Variants in SUMF1 observed in about 807,000 individuals in gnomAD.
SUMF1 encodes formylglycine-generating enzyme.
Under a neutral mutation model 47.6 loss-of-function variants are expected in SUMF1, and 48 were observed. The observed-to-expected ratio is 1.01, with a 90% CI of 0.80 to 1.28. The LOEUF is 1.28. SUMF1 is among the 50% of genes most tolerant of loss of function. The pLI, the probability that SUMF1 is intolerant of heterozygous loss-of-function variation, is 0.00. For synonymous variants in SUMF1, 230 were observed against 192.1 expected (o/e 1.20, Z -1.63); for missense variants, 571 against 485.4 (o/e 1.18, Z -1.66).
At chr3:4,303,814 A>G (rs1279247840) in intron 8 of SUMF1, 1 of 1,381,762 alleles carries the variant, frequency 7.2e-7, no homozygotes, top group Non-Finnish European at 9.6e-7. Flanking sequence ...TCAGAACTCA[A>G]GGAGGCATCA....
chr3:4,404,501 T>C (rs1384915298), intron 7 of SUMF1, among the ~76,000 whole-genome samples: 1 of 152,208 alleles, frequency 6.6e-6, no homozygotes, highest in Non-Finnish European at 1.5e-5. Flanking sequence ...CTCATGCCTG[T>C]AATCCTAGTA....
At chr3:4,424,450 C>T (rs961587911) in intron 3 of SUMF1, among the ~76,000 whole-genome samples, 2 of 152,112 alleles carry the variant, frequency 1.3e-5, no homozygotes, top group Non-Finnish European at 2.9e-5. Flanking sequence ...CACACTGTGG[C>T]CAAAGCATGA....
At chr3:4,276,344 T>C (rs1162992681) in intron 8 of SUMF1, among the ~76,000 whole-genome samples, 1 of 152,156 alleles carries the variant, frequency 6.6e-6, no homozygotes, top group Non-Finnish European at 1.5e-5. Flanking sequence ...GTTTAACTGA[T>C]TTCTCAAAAT....
At chr3:4,085,912 CA>C (rs551418193) in intron 8 of SUMF1, among the ~76,000 whole-genome samples, 4 of 150,298 alleles carry the variant, frequency 2.7e-5, no homozygotes, top group East Asian at 2.0e-4. Flanking sequence ...TTCTGCCTCT[CA>C]AAAAAAAAGA....
chr3:4,446,119 C>A lies in SUMF1; in HGVS notation c.519+3147G>T, dbSNP rs146910546. Among the ~76,000 whole-genome samples the A allele has an allele frequency of 1.4e-3, 211 of 152,238 alleles. 1 individual carries two copies. The highest frequency in any genetic ancestry group is 4.9e-3 in the African/African-American group (202 of 41,542). Reference sequence around the variant, plus strand: ...GAACTATCTCTTTATGAAAGTATCTCCATTAATAAATGAAAAAGATTAGAT... The same window carrying A: ...GAACTATCTCTTTATGAAAGTATCTACATTAATAAATGAAAAAGATTAGAT... On this transcript the variant is annotated intron_variant, in intron 3 of 8. Transcript: ENST00000272902.
chr3:4,116,269 A>C (rs1256774972), intron 8 of SUMF1, among the ~76,000 whole-genome samples: 1 of 152,108 alleles, frequency 6.6e-6, no homozygotes, highest in Non-Finnish European at 1.5e-5. Context: ...TTCACTACCC[A>C]ACATCAAGGG....
intron 8 of SUMF1, among the ~76,000 whole-genome samples, chr3:4,131,063 A>C (rs1693776923): frequency 6.6e-6 from 1 of 152,106 alleles, no homozygotes; most frequent in South Asian, 2.1e-4. Context: ...CTTTTGAGAG[A>C]CAGCTCTTGG....
At chr3:4,151,343 T>A (rs1384296702) in intron 8 of SUMF1, among the ~76,000 whole-genome samples, 1 of 147,686 alleles carries the variant, frequency 6.8e-6, no homozygotes, top group Non-Finnish European at 1.5e-5. Context: ...AAGAAAAACA[T>A]AAATATACAT....
chr3:4,254,751 G>A (rs1696903872), intron 8 of SUMF1, among the ~76,000 whole-genome samples: 1 of 148,624 alleles, frequency 6.7e-6, no homozygotes, highest in Admixed American at 6.7e-5. Flanking sequence ...TCAGATTCAG[G>A]AAATACAGAG....
At chr3:4,463,439 G>A (rs1334690955) in intron 1 of SUMF1, among the ~76,000 whole-genome samples, 3 of 152,194 alleles carry the variant, frequency 2.0e-5, no homozygotes, top group Non-Finnish European at 4.4e-5. Flanking sequence ...GCAATGAGCC[G>A]AGATTGCACC....
chr3:4,267,886 G>A (rs1456596843), intron 8 of SUMF1, among the ~76,000 whole-genome samples: 8 of 149,672 alleles, frequency 5.3e-5, no homozygotes, highest in Non-Finnish European at 8.9e-5. Flanking sequence ...CCATTACTGG[G>A]TATATACCCA....
At chr3:4,282,149 A>G (rs1398186624) in intron 8 of SUMF1, among the ~76,000 whole-genome samples, 2 of 152,182 alleles carry the variant, frequency 1.3e-5, no homozygotes, top group African/African-American at 4.8e-5. Context: ...AAATCCAGTA[A>G]CAATGTAGGA....
intron 3 of SUMF1, among the ~76,000 whole-genome samples, chr3:4,439,820 C>T (rs927618612): frequency 1.3e-5 from 2 of 151,722 alleles, no homozygotes; most frequent in African/African-American, 2.4e-5. Flanking sequence ...CGTCAACCTC[C>T]CAAAGGGCTG....
chr3:4,070,039 T>C (rs542769008), intron 8 of SUMF1, among the ~76,000 whole-genome samples: 4 of 152,272 alleles, frequency 2.6e-5, no homozygotes, highest in Admixed American at 2.0e-4. Flanking sequence ...TAAAACTTAG[T>C]CTCCACAATC....
chr3:4,307,841 A>G (rs1575074528), intron 8 of SUMF1, among the ~76,000 whole-genome samples: 1 of 152,224 alleles, frequency 6.6e-6, no homozygotes, highest in East Asian at 1.9e-4. Context: ...GTTTAAGACC[A>G]CCCTTAACAA....
chr3:4,244,996 A>G (rs1309059107), intron 8 of SUMF1, among the ~76,000 whole-genome samples: 3 of 151,698 alleles, frequency 2.0e-5, no homozygotes, highest in East Asian at 3.9e-4. Flanking sequence ...TTGATCTTCA[A>G]TCACTGATAT....
chr3:4,073,734 G>C (rs1376179041), intron 8 of SUMF1, among the ~76,000 whole-genome samples: 1 of 152,082 alleles, frequency 6.6e-6, no homozygotes, highest in Non-Finnish European at 1.5e-5. Flanking sequence ...GATCAAGAGA[G>C]ACTAAGAAGG....
intron 8 of SUMF1, among the ~76,000 whole-genome samples, chr3:4,139,876 G>A (rs1694034226): frequency 6.6e-6 from 1 of 151,918 alleles, no homozygotes; most frequent in South Asian, 2.1e-4. Flanking sequence ...ACAGACTACA[G>A]AGTTTATTTG....
chr3:4,049,707 T>C (rs1308784860), intron 9 of SUMF1, among the ~76,000 whole-genome samples: 1 of 152,118 alleles, frequency 6.6e-6, no homozygotes, highest in Non-Finnish European at 1.5e-5. Flanking sequence ...AGCCTTGCCA[T>C]TCGCGGGCAG....
Sources: allele counts gnomAD v4.1 joint callset (sites outside exome capture counted in the v4.1 genomes callset), GRCh38; gene constraint gnomAD v4.1.1; transcripts MANE v1.5; gene names NCBI Gene and HGNC (gene_info 2026-07-23, HGNC 2026-07-21).